The following ZBTB16 variants were observed in gnomAD, a reference collection of about 807,000 sequenced individuals.
The protein encoded by ZBTB16 is zinc finger and BTB domain-containing protein 16.
ZBTB16 carries 8 observed loss-of-function variants against 56.8 expected under a neutral mutation model. The observed-to-expected ratio is 0.14, with a 90% CI of 0.08 to 0.25. The LOEUF is 0.25. Ranked by LOEUF, ZBTB16 falls within the 10% of genes least tolerant of loss-of-function variation. The pLI is 1.00. For synonymous variants in ZBTB16, 363 were observed against 368.5 expected (o/e 0.98, Z 0.17); for missense variants, 625 against 903.0 (o/e 0.69, Z 3.95).
In ZBTB16 at chr11:114,250,295, A is replaced by C. The variant is rs757958810; in HGVS notation, c.1793-31A>C. On this transcript the variant is annotated intron_variant, in intron 6 of 6. Coordinates refer to ENST00000335953, the MANE Select transcript of ZBTB16 (RefSeq NM_006006.6). This position sits in a 1 kb window ranked among gnomAD's most constrained non-coding sequence, Gnocchi z 6.0. ...CCCTCACCGCCTTCTGTCTGTCCTCACTTTCTCCTGCCCTGTCCCTCCGCC... is the reference window on the plus strand; with the variant it reads ...CCCTCACCGCCTTCTGTCTGTCCTCCCTTTCTCCTGCCCTGTCCCTCCGCC... 6.2e-7 allele frequency: 1 copy of C among 1,604,332 alleles called. No individual in the cohort carries two copies.
At chr11:114,112,817 A>G (rs1357914710) in intron 2 of ZBTB16, among the ~76,000 whole-genome samples, 3 of 146,108 alleles carry the variant, frequency 2.1e-5, no homozygotes, top group Admixed American at 7.0e-5. Context: ...GCTGGAGTGC[A>G]GTGGCCTGAT....
At chr11:114,146,055 C>T (rs1942090726) in intron 2 of ZBTB16, among the ~76,000 whole-genome samples, 1 of 152,192 alleles carries the variant, frequency 6.6e-6, no homozygotes, top group Non-Finnish European at 1.5e-5. Flanking sequence ...GGGTCAGGAG[C>T]AGCCTGACTT....
intron 3 of ZBTB16, chr11:114,181,085 CTG>C (rs144505950): frequency 0.041 from 6,293 of 152,374 alleles, 160 homozygotes; most frequent in African/African-American, 0.069. Context: ...ACGTGTGGTA[CTG>C]TGTGTCTTTA....
At chr11:114,104,958 C>T (rs868091611) in intron 2 of ZBTB16, among the ~76,000 whole-genome samples, 2 of 152,074 alleles carry the variant, frequency 1.3e-5, no homozygotes, top group African/African-American at 2.4e-5. Flanking sequence ...CCACACAGGC[C>T]GTGGTACTTG....
At chr11:114,066,521 A>C (rs966339570) in intron 2 of ZBTB16, among the ~76,000 whole-genome samples, 7 of 152,164 alleles carry the variant, frequency 4.6e-5, no homozygotes, top group South Asian at 2.1e-4. Context: ...GGTGGGAAGT[A>C]ATTGTTTTTC....
At chr11:114,151,236 A>T (rs1204073371) in intron 2 of ZBTB16, among the ~76,000 whole-genome samples, 1 of 152,126 alleles carries the variant, frequency 6.6e-6, no homozygotes, top group Admixed American at 6.5e-5. Flanking sequence ...GAAAGCAAAA[A>T]CCCAAAGCAT....
intron 2 of ZBTB16, among the ~76,000 whole-genome samples, chr11:114,152,652 G>A (rs1444265165): frequency 6.6e-6 from 1 of 152,206 alleles, no homozygotes; most frequent in East Asian, 1.9e-4. Flanking sequence ...TCTCCACTGA[G>A]TATAGGATGG....
At position 114,253,020 on chromosome 11, in the gene ZBTB16, A is replaced by C. The variant is rs1054266506; in HGVS notation, c.*2465A>C. ...GACTAGAACAGTTGTCATGTTTATA[A>C]TGTGAAAAGGGTGAAATCATTTGGG... On this transcript the variant is annotated 3_prime_UTR_variant, in exon 7 of 7. Transcript: ENST00000335953. 6.6e-6 allele frequency among the ~76,000 whole-genome samples: 1 copy of C among 152,218 alleles called. No homozygotes were observed. Among genetic ancestry groups the C allele is most frequent in the Non-Finnish European group, 1.5e-5 (1 of 68,046 alleles).
chr11:114,087,524 A>T lies in ZBTB16; in HGVS notation c.1268+22956A>T, dbSNP rs80093711. Reference sequence around the variant, plus strand: ...GCACCCAACTGCAGACTTTGGCATCATCTGTGGCTCCTGTCTTCCCTTTGC... The same window carrying T: ...GCACCCAACTGCAGACTTTGGCATCTTCTGTGGCTCCTGTCTTCCCTTTGC... On this transcript the variant is annotated intron_variant, in intron 2 of 6. Coordinates refer to ENST00000335953, the MANE Select transcript of ZBTB16 (RefSeq NM_006006.6). Among the ~76,000 whole-genome samples, 332 of 152,162 alleles carry T rather than the reference A, an allele frequency of 2.2e-3. 10 individuals carry two copies. The East Asian group carries it at 0.054, about 25-fold the overall frequency.
At chr11:114,104,457 A>G (rs1591669598) in intron 2 of ZBTB16, among the ~76,000 whole-genome samples, 1 of 151,902 alleles carries the variant, frequency 6.6e-6, no homozygotes, top group Non-Finnish European at 1.5e-5. Context: ...TCTTTCACCT[A>G]CCTCCTTCTT....
chr11:114,162,545 C>A (rs905837718), intron 3 of ZBTB16, among the ~76,000 whole-genome samples: 1 of 152,196 alleles, frequency 6.6e-6, no homozygotes, highest in Admixed American at 6.5e-5. Flanking sequence ...AGACTTGGGG[C>A]TGCCCAGGCT....
intron 2 of ZBTB16, among the ~76,000 whole-genome samples, chr11:114,109,934 G>A (rs1488665363): frequency 1.3e-5 from 2 of 152,208 alleles, no homozygotes; most frequent in East Asian, 1.9e-4. Context: ...GAGCAGGACC[G>A]GAGGATAGAG....
chr11:114,249,389 C>G (rs1208812408), intron 6 of ZBTB16, among the ~76,000 whole-genome samples: 2 of 131,916 alleles, frequency 1.5e-5, no homozygotes, highest in Non-Finnish European at 1.5e-5. Flanking sequence ...ACCCGGGAGG[C>G]AGAGGTTGCA....
chr11:114,160,347 G>A (rs752598554), intron 3 of ZBTB16, among the ~76,000 whole-genome samples: 7 of 152,126 alleles, frequency 4.6e-5, no homozygotes, highest in African/African-American at 1.7e-4. Flanking sequence ...ATTGAATTCC[G>A]CAGAGATGTC....
In ZBTB16 at chr11:114,246,925, G is replaced by A. The variant is rs571422592; in HGVS notation, c.1625-273G>A. The A allele has an allele frequency of 1.4e-5, 7 of 503,146 alleles. No individual in the cohort carries two copies. In the East Asian group the frequency reaches 1.4e-4, roughly 10 times the overall value. 31.2% of individuals were successfully genotyped at this position (503,146 alleles called of 1,614,324 possible). The stretch of plus-strand genomic sequence containing the variant: ...TCCACAAGGGGGCTTGCTTTCTGGG[G>A]ACTGCTGTCCATCCCTGAACCAAAT... On this transcript the variant is annotated intron_variant, in intron 5 of 6. Transcript: ENST00000335953.
chr11:114,204,296 G>A (rs1268568300), intron 4 of ZBTB16, among the ~76,000 whole-genome samples: 1 of 151,924 alleles, frequency 6.6e-6, no homozygotes, highest in African/African-American at 2.4e-5. Flanking sequence ...GCACCACCAT[G>A]CCCGGCTAAT....
chr11:114,083,827 G>T (rs1939867430), intron 2 of ZBTB16, among the ~76,000 whole-genome samples: 1 of 152,086 alleles, frequency 6.6e-6, no homozygotes, highest in African/African-American at 2.4e-5. Context: ...CTGCTCTGTG[G>T]GTGATACTTA....
intron 2 of ZBTB16, among the ~76,000 whole-genome samples, chr11:114,148,638 C>T (rs1432932090): frequency 6.6e-6 from 1 of 151,368 alleles, no homozygotes; most frequent in Non-Finnish European, 1.5e-5. Context: ...GGACTACAGG[C>T]ACCTGCCACC....
intron 4 of ZBTB16, chr11:114,209,487 C>T: frequency 1.0e-6 from 1 of 985,360 alleles, no homozygotes; most frequent in Non-Finnish European, 1.2e-6. Context: ...GCCCCTCTCC[C>T]CAGACCCTTC....
Sources: allele counts gnomAD v4.1 joint callset (sites outside exome capture counted in the v4.1 genomes callset), GRCh38; gene constraint gnomAD v4.1.1; non-coding constraint Gnocchi (gnomAD v3.1); transcripts MANE v1.5; gene names NCBI Gene and HGNC (gene_info 2026-07-23, HGNC 2026-07-21).